Variants in SATB1 observed in about 807,000 individuals in gnomAD.
SATB1 encodes the protein SATB homeobox 1, also known as DNA-binding protein SATB1.
In SATB1, 11 loss-of-function variants were observed where a neutral mutation model predicts 86.9. The ratio of observed to expected loss-of-function variants is 0.13; its 90% CI spans 0.08 to 0.21. SATB1 has a LOEUF of 0.21. Among genes scored for constraint, SATB1 ranks in the 10% least tolerant of loss-of-function variants. The pLI, the probability that SATB1 is intolerant of heterozygous loss-of-function variation, is 1.00. For missense variants in SATB1, 551 were observed against 937.6 expected (o/e 0.59, Z 5.39); for synonymous variants, 357 against 357.2 (o/e 1.00, Z 0.01).
intron 10 of SATB1, chr3:18,351,149 A>G: frequency 1.5e-6 from 1 of 660,436 alleles, no homozygotes; most frequent in Non-Finnish European, 2.7e-6. Flanking sequence ...GTCCCATGAC[A>G]TGACAAACAA....
In SATB1 at chr3:18,402,983, A is replaced by AT. The variant is rs573407074; in HGVS notation, c.640-5694dup. On this transcript the variant is annotated intron_variant, in intron 5 of 10. Transcript: ENST00000338745. Reference sequence around the variant, plus strand: ...CCTCTTTCTGTAAACACCCAAGATGATTTTTTTCAACCAGAACAGTCCTGA... The same window carrying AT: ...CCTCTTTCTGTAAACACCCAAGATGATTTTTTTTCAACCAGAACAGTCCTGA... Among the ~76,000 whole-genome samples, 240 of 152,232 alleles carry AT rather than the reference A, an allele frequency of 1.6e-3. 5 individuals are homozygous for AT. The South Asian group carries it at 0.044, about 28-fold the overall frequency.
At chr3:18,390,686 T>C (rs1259939020) in intron 7 of SATB1, among the ~76,000 whole-genome samples, 1 of 152,186 alleles carries the variant, frequency 6.6e-6, no homozygotes, top group Admixed American at 6.5e-5. Context: ...GGTCCATTAC[T>C]GTTATCAGTT....
At chr3:18,365,161 T>C (rs1326097612) in intron 9 of SATB1, among the ~76,000 whole-genome samples, 1 of 152,224 alleles carries the variant, frequency 6.6e-6, no homozygotes, top group East Asian at 1.9e-4. Context: ...CTAGCACATA[T>C]ATACCTCATT....
At chr3:18,443,452 G>A (rs1247400493), upstream of SATB1, among the ~76,000 whole-genome samples, 1 of 152,230 alleles carries the variant, frequency 6.6e-6, no homozygotes, top group African/African-American at 2.4e-5. This position sits in a 1 kb window ranked among gnomAD's most constrained non-coding sequence, Gnocchi z 4.4. Flanking sequence ...CCAAGGAAGG[G>A]CGCAGAGGTC....
At chr3:18,372,178 A>G (rs1351469738) in intron 9 of SATB1, among the ~76,000 whole-genome samples, 1 of 152,182 alleles carries the variant, frequency 6.6e-6, no homozygotes, top group Non-Finnish European at 1.5e-5. Context: ...CTGTAAAGGG[A>G]CCACTCTTGC....
upstream of SATB1, chr3:18,438,852 G>A (rs13069016): frequency 0.034 from 5,174 of 152,800 alleles, 108 homozygotes; most frequent in Non-Finnish European, 0.054. Flanking sequence ...CGGGGGGCGG[G>A]CAGCTTAAGT....
chr3:18,357,875 C>G (rs574505788), intron 9 of SATB1, among the ~76,000 whole-genome samples: 2 of 151,882 alleles, frequency 1.3e-5, no homozygotes, highest in Admixed American at 1.3e-4. Flanking sequence ...CAGAAACACC[C>G]AAGACCTAAG....
Position 18,397,165 on chromosome 3 carries a change from T to A in SATB1, c.751+14A>T, listed in dbSNP as rs536016520. Reference sequence around the variant, plus strand: ...ATGGTATGTAGCCACTGCTGCAATGTTTTTTTTGCTTACCCATCATATCTT... The same window carrying A: ...ATGGTATGTAGCCACTGCTGCAATGATTTTTTTGCTTACCCATCATATCTT... On this transcript the variant is annotated intron_variant, in intron 6 of 10. Transcript: ENST00000338745. 2.1e-6 allele frequency: 3 copies of A among 1,396,886 alleles called. No individual in the cohort carries two copies. In the African/African-American group the frequency reaches 4.2e-5, roughly 20 times the overall value. The allele number at this position is 1,396,886 out of a possible 1,614,324, so 86.5% of individuals were successfully genotyped here. A position where few individuals can be genotyped will look rare whatever the true frequency, so the allele number is the denominator to read the frequency against.
At chr3:18,428,582 G>A (rs185126741), upstream of SATB1, among the ~76,000 whole-genome samples, 1 of 152,302 alleles carries the variant, frequency 6.6e-6, no homozygotes, top group Admixed American at 6.5e-5. Context: ...AAGCAATAAT[G>A]ATGCATGCAA....
chr3:18,422,935 T>G (rs1009412271), intron 1 of SATB1, among the ~76,000 whole-genome samples: 1 of 152,212 alleles, frequency 6.6e-6, no homozygotes, highest in Admixed American at 6.5e-5. Flanking sequence ...ATATAGGTCA[T>G]GAAAAACTGT....
At chr3:18,427,013 G>A (rs1258883279), upstream of SATB1, among the ~76,000 whole-genome samples, 5 of 152,170 alleles carry the variant, frequency 3.3e-5, no homozygotes, top group Non-Finnish European at 7.3e-5. Context: ...GAAGGCAACC[G>A]TGAATCTTGG....
rs1370885808 is a variant in SATB1 at position 18,415,111 on chromosome 3, C to G, written c.639G>C (p.Gln213His). 1 of 1,612,648 alleles carries G rather than the reference C, an allele frequency of 6.2e-7. No individual in the cohort carries two copies. Among genetic ancestry groups the G allele is most frequent in the Non-Finnish European group, 8.5e-7 (1 of 1,179,038 alleles). Residue 213 changes from glutamine to histidine, a missense_variant and splice_region_variant, in exon 5 of 11, where the codon CAG becomes CAC. Gln to His is a conservative substitution (Grantham distance 24). This residue lies in a region of SATB1 where 153 missense variants were observed against 258.1 expected (regional missense o/e 0.59). Coordinates refer to ENST00000338745, the MANE Select transcript of SATB1 (RefSeq NM_002971.6). ...SSLAKECPLSQSMISSIVNST... is the reference protein window; with the variant it reads ...SSLAKECPLSHSMISSIVNST... Reference sequence around the variant, plus strand: ...ATTTATTACATTCTATGCTAAGTACCTGTGAAAGGGGGCACTCCTTGGCCA... The same window carrying G: ...ATTTATTACATTCTATGCTAAGTACGTGTGAAAGGGGGCACTCCTTGGCCA...
intron 9 of SATB1, among the ~76,000 whole-genome samples, chr3:18,354,606 C>A (rs1694538908): frequency 6.6e-6 from 1 of 151,860 alleles, no homozygotes; most frequent in African/African-American, 2.4e-5. Context: ...AAGAATGATT[C>A]ATGTAAGAAA....
At chr3:18,365,103 T>C (rs1211821990) in intron 9 of SATB1, among the ~76,000 whole-genome samples, 1 of 152,162 alleles carries the variant, frequency 6.6e-6, no homozygotes, top group Non-Finnish European at 1.5e-5. Flanking sequence ...GAGATTTCAT[T>C]AATTAAATGA....
intron 9 of SATB1, among the ~76,000 whole-genome samples, chr3:18,357,643 G>C (rs546563834): frequency 6.7e-6 from 1 of 149,956 alleles, no homozygotes; most frequent in South Asian, 2.1e-4. Context: ...CTAATTGTCA[G>C]AGCTACCAAA....
chr3:18,392,248 CAA>C (rs2125110887), intron 7 of SATB1, among the ~76,000 whole-genome samples: 1 of 152,090 alleles, frequency 6.6e-6, no homozygotes, highest in South Asian at 2.1e-4. Context: ...TTACCTTTTT[CAA>C]AGAGATTAAT....
At chr3:18,433,730 A>C (rs2125199484) in intron 2 of SATB1, among the ~76,000 whole-genome samples, 2 of 152,250 alleles carry the variant, frequency 1.3e-5, no homozygotes, top group East Asian at 3.9e-4. Context: ...ACTAAAAGAC[A>C]GCTTCACAGT....
chr3:18,368,010 G>A (rs1027119216), intron 9 of SATB1, among the ~76,000 whole-genome samples: 29 of 152,268 alleles, frequency 1.9e-4, no homozygotes, highest in African/African-American at 6.7e-4. Flanking sequence ...CATTAGCAAT[G>A]AAACCATAAA....
intron 5 of SATB1, among the ~76,000 whole-genome samples, chr3:18,400,480 T>C (rs1357315027): frequency 6.6e-6 from 1 of 152,200 alleles, no homozygotes; most frequent in African/African-American, 2.4e-5. Flanking sequence ...AGCATACACC[T>C]CATGGAGTTG....
Sources: allele counts gnomAD v4.1 joint callset (sites outside exome capture counted in the v4.1 genomes callset), GRCh38; gene constraint gnomAD v4.1.1; regional missense constraint gnomAD v4.1.1; non-coding constraint Gnocchi (gnomAD v3.1); transcripts MANE v1.5; gene names NCBI Gene and HGNC (gene_info 2026-07-23, HGNC 2026-07-21).